The following NAA25 variants were observed in gnomAD, a reference collection of about 807,000 sequenced individuals.
The protein encoded by NAA25 is N-terminal acetyltransferase B complex subunit NAA25.
Under a neutral mutation model 132.5 loss-of-function variants are expected in NAA25, and 30 were observed. That is an observed-to-expected ratio of 0.23 (90% confidence interval 0.17 to 0.31). NAA25 has a LOEUF of 0.31. Among genes scored for constraint, NAA25 ranks in the 10% least tolerant of loss-of-function variants. The probability of loss-of-function intolerance (pLI) is 1.00; values close to 1 mark genes in which losing one functional copy is unlikely to be tolerated. For missense variants in NAA25, 771 were observed against 1,150.4 expected (o/e 0.67, Z 4.77); for synonymous variants, 359 against 401.9 (o/e 0.89, Z 1.28).
At chr12:112,030,019 C>G (rs1350195075) in intron 23 of NAA25, among the ~76,000 whole-genome samples, 1 of 151,976 alleles carries the variant, frequency 6.6e-6, no homozygotes, top group African/African-American at 2.4e-5. Context: ...TTGAAACCAG[C>G]CTGGTCAACA....
chr12:112,082,961 T>C (rs1254136195), intron 4 of NAA25, among the ~76,000 whole-genome samples: 1 of 152,030 alleles, frequency 6.6e-6, no homozygotes, highest in East Asian at 1.9e-4. Flanking sequence ...CTAAAACAAT[T>C]AAGAGTAGCA....
At chr12:112,054,733 G>A (rs773127198) in intron 13 of NAA25, among the ~76,000 whole-genome samples, 165 bp from the exon 14 acceptor site, 1 of 152,066 alleles carries the variant, frequency 6.6e-6, no homozygotes, top group African/African-American at 2.4e-5. Flanking sequence ...AGAGAATTTC[G>A]CCTCAACAGA....
intron 17 of NAA25, among the ~76,000 whole-genome samples, chr12:112,047,082 A>G (rs2078392733): frequency 1.3e-5 from 2 of 152,164 alleles, no homozygotes; most frequent in Admixed American, 1.3e-4. Flanking sequence ...TCTAACTTTT[A>G]GATTAACCAG....
At chr12:112,082,111 C>T (rs1232097476) in intron 4 of NAA25, among the ~76,000 whole-genome samples, 1 of 151,936 alleles carries the variant, frequency 6.6e-6, no homozygotes, top group African/African-American at 2.4e-5. Context: ...ATTAGCTGGG[C>T]GTGGCAGCAG....
intron 3 of NAA25, among the ~76,000 whole-genome samples, chr12:112,088,238 C>T (rs998303893): frequency 2.0e-5 from 3 of 151,966 alleles, no homozygotes; most frequent in African/African-American, 7.2e-5. Context: ...TCTCTGAACA[C>T]CATCTCTGCT....
At position 112,108,704 on chromosome 12, in the gene NAA25, CAAG is replaced by C. The variant is rs2079403294; in HGVS notation, c.58+9_58+11del. 6.6e-7 allele frequency: 1 copy of C among 1,518,808 alleles called. No homozygotes were observed. The highest frequency in any genetic ancestry group is 1.2e-5 in the South Asian group (1 of 81,252). The allele number at this position is 1,518,808 out of a possible 1,614,324, so 94.1% of individuals were successfully genotyped here. ...CGTCGGGCTGGCGAGCGGGCTGGTCCAAGACACTCACCGTAAATGGGCCGGAGG... is the reference window on the plus strand; with the variant it reads ...CGTCGGGCTGGCGAGCGGGCTGGTCCACACTCACCGTAAATGGGCCGGAGG... On this transcript the variant is annotated intron_variant, in intron 1 of 23. Coordinates refer to ENST00000261745, the MANE Select transcript of NAA25 (RefSeq NM_024953.4).
chr12:112,067,666 C>T (rs1272361754), intron 11 of NAA25, among the ~76,000 whole-genome samples: 1 of 151,990 alleles, frequency 6.6e-6, no homozygotes, highest in Non-Finnish European at 1.5e-5. Flanking sequence ...GCCTGGGCCA[C>T]AGAGCGAGAC....
intron 14 of NAA25, among the ~76,000 whole-genome samples, 197 bp from the exon 15 acceptor site, chr12:112,053,854 C>T (rs1291296792): frequency 7.5e-6 from 1 of 132,736 alleles, no homozygotes; most frequent in African/African-American, 2.9e-5. Context: ...CAAAAGTTAA[C>T]TCAGTTTTGT....
chr12:112,102,772 C>T (rs936596170), intron 1 of NAA25, among the ~76,000 whole-genome samples: 3 of 151,404 alleles, frequency 2.0e-5, no homozygotes, highest in Non-Finnish European at 4.4e-5. Context: ...CTGCAACCTC[C>T]GCCTCCTGGG....
chr12:112,033,163 A>G, intron 23 of NAA25, 70 bp downstream of exon 23: 1 of 1,442,520 alleles, frequency 6.9e-7, no homozygotes, highest in Non-Finnish European at 9.2e-7. Context: ...CCTTGTGATA[A>G]AGATGAGAGA....
rs1023547670 is a variant in NAA25 at position 112,060,363 on chromosome 12, T to A, written c.1358-4A>T. ...TCTGTTTTCAAACAGGTTTTCCCTA[T>A]GGGGGAAAAAAATCATATCTATTTT... On this transcript the variant is annotated splice_polypyrimidine_tract_variant and splice_region_variant and intron_variant, in intron 12 of 23. Coordinates refer to ENST00000261745, the MANE Select transcript of NAA25 (RefSeq NM_024953.4). The A allele has an allele frequency of 4.4e-6, 7 of 1,589,830 alleles. No individual in the cohort carries two copies. The highest frequency in any genetic ancestry group is 1.7e-5 in the Admixed American group (1 of 59,598).
chr12:112,075,748 T>C lies in NAA25; in HGVS notation c.706A>G (p.Met236Val). The C allele has an allele frequency of 6.2e-7, 1 of 1,614,044 alleles. No individual in the cohort carries two copies. The highest frequency in any genetic ancestry group is 8.5e-7 in the Non-Finnish European group (1 of 1,179,932). ...CTGCTCAGCTTCTTGTACATAGCCA[T>C]GCATTTATTTTCCCGACTCTGAATC... ...SEIQSRENKC[M>V]AMYKKLSRWP... is the part of the protein sequence containing the mutation. Residue 236 changes from methionine (M) to valine (V), a missense_variant, in exon 8 of 24, where the codon ATG becomes GTG. Met to Val is a conservative substitution (Grantham distance 21). Transcript: ENST00000261745.
chr12:112,098,494 C>G (rs956912113), intron 1 of NAA25, among the ~76,000 whole-genome samples: 1 of 152,028 alleles, frequency 6.6e-6, no homozygotes, highest in African/African-American at 2.4e-5. Flanking sequence ...GAAAACAAGC[C>G]AATAAAAACG....
chr12:112,064,059 T>C (rs892155576), intron 11 of NAA25: 6 of 152,114 alleles, frequency 3.9e-5, no homozygotes, highest in African/African-American at 7.2e-5. Context: ...ATGTAATTTT[T>C]TGATACAAAT....
intron 1 of NAA25, among the ~76,000 whole-genome samples, chr12:112,106,017 T>C (rs2079357140): frequency 1.3e-5 from 2 of 152,220 alleles, no homozygotes; most frequent in Non-Finnish European, 2.9e-5. Flanking sequence ...GGGGTAGTAA[T>C]GTATTTAAAC....
At chr12:112,063,874 C>T (rs1034430669) in intron 11 of NAA25, 2 of 152,108 alleles carry the variant, frequency 1.3e-5, no homozygotes, top group African/African-American at 4.8e-5. Flanking sequence ...CCTTGCGATA[C>T]TATTTGACTT....
chr12:112,081,335 T>G (rs1398083083), intron 4 of NAA25, among the ~76,000 whole-genome samples: 1 of 152,222 alleles, frequency 6.6e-6, no homozygotes, highest in Non-Finnish European at 1.5e-5. Flanking sequence ...GATACTTTAC[T>G]TTTTGAACCA....
intron 1 of NAA25, among the ~76,000 whole-genome samples, chr12:112,094,463 T>C (rs929264734): frequency 1.3e-5 from 2 of 152,194 alleles, no homozygotes; most frequent in African/African-American, 4.8e-5. Flanking sequence ...AAGAAACCTT[T>C]CTAGTATTCA....
At chr12:112,108,534 G>A (rs1279287682) in intron 1 of NAA25, among the ~76,000 whole-genome samples, 182 bp downstream of exon 1, 2 of 151,892 alleles carry the variant, frequency 1.3e-5, no homozygotes, top group African/African-American at 2.4e-5. Flanking sequence ...CCCCAAGGCT[G>A]AGGAAGGTTG....
Sources: gnomAD v4.1 joint callset for allele counts (sites outside exome capture counted in the v4.1 genomes callset) on GRCh38, gnomAD v4.1.1 for gene constraint, MANE v1.5 for transcripts, NCBI Gene and HGNC (gene_info 2026-07-23, HGNC 2026-07-21) for gene names.